Variants in KLHL1 observed in about 807,000 individuals in gnomAD.
KLHL1 encodes kelch-like protein 1.
In KLHL1, 47 loss-of-function variants were observed where a neutral mutation model predicts 77.7. The ratio of observed to expected loss-of-function variants is 0.60; its 90% CI spans 0.48 to 0.77. The LOEUF (loss-of-function observed/expected upper bound fraction) is 0.77. Ranked by LOEUF, KLHL1 falls within the 30% of genes least tolerant of loss-of-function variation. The pLI, the probability that KLHL1 is intolerant of heterozygous loss-of-function variation, is 0.00. For synonymous variants in KLHL1, 360 were observed against 325.2 expected, an observed-to-expected ratio of 1.11 and a Z score of -1.15; for missense variants, 925 against 910.8, an observed-to-expected ratio of 1.02 and a Z score of -0.20.
Position 70,085,078 on chromosome 13 carries a change from AT to A in KLHL1, c.497+22124del, listed in dbSNP as rs1681392340. ...ATCATATATCCGTATGTGACCATAAATATGGTGTATAAAGACAAGTATCTGA... is the reference window on the plus strand; with the variant it reads ...ATCATATATCCGTATGTGACCATAAAATGGTGTATAAAGACAAGTATCTGA... On this transcript the variant is annotated intron_variant, in intron 1 of 10. Transcript: ENST00000377844. Among the ~76,000 whole-genome samples, 3 of 152,276 alleles carry A rather than the reference AT, an allele frequency of 2.0e-5. No homozygotes were observed. In the South Asian group the frequency reaches 6.2e-4, roughly 32 times the overall value.
At chr13:69,864,995 G>A (rs1880316137) in intron 5 of KLHL1, among the ~76,000 whole-genome samples, 1 of 152,154 alleles carries the variant, frequency 6.6e-6, no homozygotes, top group Non-Finnish European at 1.5e-5. Context: ...TGTCCAGGCA[G>A]GAGTGCAGTG....
At chr13:69,856,183 AT>A (rs1269049098) in intron 5 of KLHL1, among the ~76,000 whole-genome samples, 1 of 151,756 alleles carries the variant, frequency 6.6e-6, no homozygotes, top group Non-Finnish European at 1.5e-5. Flanking sequence ...AGATTTGTTT[AT>A]TGTTCAGTTG....
intron 4 of KLHL1, among the ~76,000 whole-genome samples, chr13:69,887,922 T>G (rs1221373152): frequency 6.6e-6 from 1 of 152,330 alleles, no homozygotes; most frequent in African/African-American, 2.4e-5. Flanking sequence ...CCACATTTTT[T>G]GGGATTTGTT....
chr13:70,049,238 G>GA (rs1010095439), intron 1 of KLHL1, among the ~76,000 whole-genome samples: 29 of 150,332 alleles, frequency 1.9e-4, no homozygotes, highest in Middle Eastern at 3.5e-3. Context: ...AGAACTAAAT[G>GA]AAAAAAAAAT....
intron 7 of KLHL1, among the ~76,000 whole-genome samples, chr13:69,768,542 G>C (rs74638111): frequency 0.014 from 2,179 of 152,012 alleles, 56 homozygotes; most frequent in African/African-American, 0.05. Context: ...ATGTGGAAAG[G>C]GTTGTACAAT....
intron 4 of KLHL1, among the ~76,000 whole-genome samples, chr13:69,886,066 G>T (rs1244309841): frequency 6.6e-6 from 1 of 152,106 alleles, no homozygotes; most frequent in African/African-American, 2.4e-5. Context: ...GGAAGTTTAG[G>T]TGAGATAATA....
chr13:70,105,950 T>G (rs1245188977), intron 1 of KLHL1, among the ~76,000 whole-genome samples: 3 of 150,698 alleles, frequency 2.0e-5, no homozygotes, highest in Admixed American at 1.3e-4. Context: ...AATATAACAT[T>G]AGAATATGTT....
intron 7 of KLHL1, among the ~76,000 whole-genome samples, chr13:69,753,415 T>C (rs1469279156): frequency 6.6e-6 from 1 of 152,184 alleles, no homozygotes. Context: ...CTCCAGCCTT[T>C]AGGACCATTG....
intron 1 of KLHL1, among the ~76,000 whole-genome samples, chr13:70,006,165 C>T (rs932791424): frequency 3.3e-5 from 5 of 152,016 alleles, no homozygotes; most frequent in Admixed American, 6.6e-5. Context: ...GCAGGTTCAT[C>T]TATATTGTTG....
chr13:69,774,146 T>C (rs1439275932), intron 7 of KLHL1, among the ~76,000 whole-genome samples: 1 of 151,878 alleles, frequency 6.6e-6, no homozygotes, highest in East Asian at 1.9e-4. Context: ...TAAACATATT[T>C]AAAATCCTAA....
At chr13:69,776,944 C>G (rs1875858244) in intron 7 of KLHL1, among the ~76,000 whole-genome samples, 1 of 151,946 alleles carries the variant, frequency 6.6e-6, no homozygotes, top group African/African-American at 2.4e-5. Context: ...TTAGTTTGTA[C>G]CTTTTGATAT....
chr13:69,836,279 C>T (rs1878987340), intron 6 of KLHL1, among the ~76,000 whole-genome samples: 1 of 152,016 alleles, frequency 6.6e-6, no homozygotes, highest in South Asian at 2.1e-4. Context: ...GACTCCTGTC[C>T]CTCAGAAAAG....
chr13:70,105,416 T>C lies in KLHL1; in HGVS notation c.497+1787A>G, dbSNP rs1486469108. Among the ~76,000 whole-genome samples the C allele has an allele frequency of 2.0e-5, 3 of 151,802 alleles. No individual in the cohort carries two copies. In the East Asian group the frequency reaches 5.8e-4, roughly 29 times the overall value. ...GCTGAATATGCCTTATTTTAAAATG[T>C]ATTTGGTATAAAGTAAACTTTAAGA... is the stretch of plus-strand genomic sequence containing the variant. On this transcript the variant is annotated intron_variant, in intron 1 of 10. Transcript: ENST00000377844.
chr13:69,760,100 T>C (rs1447030511), intron 7 of KLHL1, among the ~76,000 whole-genome samples: 2 of 152,144 alleles, frequency 1.3e-5, no homozygotes, highest in East Asian at 1.9e-4. Flanking sequence ...TGAATACCAA[T>C]TTAGTTCAAT....
rs71116988 is a variant in KLHL1, at chr13:70,084,622, C to CTTTTTTTTTTTTTTTTTTTTTTTTTTTT, written c.497+22580_497+22581insAAAAAAAAAAAAAAAAAAAAAAAAAAAA. ...TACAGGCACCTGCCACCACGCCAGG[C>CTTTTTTTTTTTTTTTTTTTTTTTTTTTT]TTTTTTTTTTTTTTTTTTTTTTTTT... On this transcript the variant is annotated intron_variant, in intron 1 of 10. Transcript: ENST00000377844. Among the ~76,000 whole-genome samples, 11 of 14,954 alleles carry CTTTTTTTTTTTTTTTTTTTTTTTTTTTT rather than the reference C, an allele frequency of 7.4e-4. 3 individuals carry two copies. In the East Asian group the frequency reaches 0.014, roughly 19 times the overall value. The allele number at this position is 14,954 out of a possible 152,430, so 9.8% of individuals were successfully genotyped here.
chr13:69,767,021 A>G (rs1875336327), intron 7 of KLHL1, among the ~76,000 whole-genome samples: 1 of 152,218 alleles, frequency 6.6e-6, no homozygotes, highest in African/African-American at 2.4e-5. Flanking sequence ...ACCCATATCA[A>G]AGTAGCAATT....
chr13:70,052,106 C>G (rs1886643191), intron 1 of KLHL1, among the ~76,000 whole-genome samples: 1 of 151,858 alleles, frequency 6.6e-6, no homozygotes, highest in Non-Finnish European at 1.5e-5. Context: ...GAAGTTCAAT[C>G]CAGTTCCAAT....
intron 4 of KLHL1, among the ~76,000 whole-genome samples, chr13:69,905,753 G>C (rs1882026847): frequency 6.6e-6 from 1 of 152,002 alleles, no homozygotes; most frequent in Admixed American, 6.6e-5. Context: ...AATAAGGTTT[G>C]CTGCTTTGAA....
At chr13:69,954,157 A>G (rs1389818279) in intron 3 of KLHL1, among the ~76,000 whole-genome samples, 1 of 151,324 alleles carries the variant, frequency 6.6e-6, no homozygotes. Context: ...TCCAAGGATC[A>G]GAATGAACAC....
Sources: allele counts gnomAD v4.1 joint callset (sites outside exome capture counted in the v4.1 genomes callset), GRCh38; gene constraint gnomAD v4.1.1; transcripts MANE v1.5; gene names NCBI Gene and HGNC (gene_info 2026-07-23, HGNC 2026-07-21).